The following SPG11 variants were observed in gnomAD, a reference collection of about 807,000 sequenced individuals.
SPG11 encodes SPG11 vesicle trafficking associated, spatacsin.
Under a neutral mutation model 274.0 loss-of-function variants are expected in SPG11, and 222 were observed. The ratio of observed to expected loss-of-function variants is 0.81; its 90% CI spans 0.73 to 0.91. The LOEUF (loss-of-function observed/expected upper bound fraction) is 0.91. Ranked by LOEUF, SPG11 falls within the 40% of genes least tolerant of loss-of-function variation. SPG11 has a pLI of 0.00. For synonymous variants in SPG11, 1,144 were observed against 1,039.7 expected, an observed-to-expected ratio of 1.10 and a Z score of -1.93; for missense variants, 3,114 against 2,872.7, an observed-to-expected ratio of 1.08 and a Z score of -1.92.
rs114433288 is a variant in SPG11, at chr15:44,653,690, T to A, written c.870-1424A>T. Among the ~76,000 whole-genome samples the A allele has an allele frequency of 1.7e-3, 256 of 152,290 alleles. 2 individuals are homozygous for A. Among genetic ancestry groups the A allele is most frequent in the African/African-American group, 5.8e-3 (243 of 41,550 alleles). ...AGGAGACAGAAAGGGTAGGACCTGATGATTAACTGGATGTGGATCTAATAC... is the reference window on the plus strand; with the variant it reads ...AGGAGACAGAAAGGGTAGGACCTGAAGATTAACTGGATGTGGATCTAATAC... On this transcript the variant is annotated intron_variant, in intron 4 of 39. Transcript: ENST00000261866.
rs566318835 is a variant in SPG11, at chr15:44,622,343, T to G, written c.2321A>C (p.Glu774Ala). Residue 774 changes from glutamate to alanine, a missense_variant, in exon 13 of 40, where the codon GAA becomes GCA. By Grantham distance (107) the Glu-to-Ala change is moderately radical. Transcript: ENST00000261866. ...TNKNIRDFLVEILKEKNYFSE... is the reference protein window; with the variant it reads ...TNKNIRDFLVAILKEKNYFSE... ...AAAATAATTTTTTTCTTTTAAAATT[T>G]CAACCTTGAATAAAAAGTAATTAAA... 1.2e-5 allele frequency: 19 copies of G among 1,552,144 alleles called. No homozygotes were observed. Among genetic ancestry groups the G allele is most frequent in the Middle Eastern group, 1.9e-4 (1 of 5,288 alleles).
At chr15:44,662,534 GGTGCACGCC>G in intron 1 of SPG11, among the ~76,000 whole-genome samples, 1 of 151,726 alleles carries the variant, frequency 6.6e-6, no homozygotes, top group South Asian at 2.1e-4. Context: ...CAGGCCTGGT[GGTGCACGCC>G]TGTAGTCGTA....
intron 29 of SPG11, 141 bp from the exon 30 acceptor site, chr15:44,584,699 A>G: frequency 1.0e-6 from 1 of 981,668 alleles, no homozygotes; most frequent in Non-Finnish European, 1.6e-6. Context: ...TGGCGATCAC[A>G]GCACACTGCA....
At chr15:44,638,585 C>T (rs144294439) in intron 7 of SPG11, among the ~76,000 whole-genome samples, 1 of 150,250 alleles carries the variant, frequency 6.7e-6, no homozygotes, top group Admixed American at 6.6e-5. Context: ...AGGATAGCTT[C>T]TTAAAGAACA....
intron 20 of SPG11, among the ~76,000 whole-genome samples, chr15:44,603,651 T>C (rs2083249960): frequency 1.3e-5 from 2 of 152,228 alleles, no homozygotes; most frequent in South Asian, 4.1e-4. Flanking sequence ...AGTCATCTCT[T>C]GGTATCCATG....
At chr15:44,636,958 C>CAAAAAAA (rs1328250311) in intron 7 of SPG11, among the ~76,000 whole-genome samples, 8 of 89,100 alleles carry the variant, frequency 9.0e-5, no homozygotes, top group East Asian at 3.2e-4. Context: ...AAAAAAAAAA[C>CAAAAAAA]AAAAAAAAAA....
At chr15:44,647,058 G>A (rs2084631370) in intron 7 of SPG11, among the ~76,000 whole-genome samples, 1 of 152,166 alleles carries the variant, frequency 6.6e-6, no homozygotes, top group Non-Finnish European at 1.5e-5. Context: ...ATGTCATAGA[G>A]TCTAGCATCC....
chr15:44,592,203 G>C, intron 27 of SPG11, 128 bp downstream of exon 27: 1 of 695,960 alleles, frequency 1.4e-6, no homozygotes, highest in Non-Finnish European at 2.6e-6. Context: ...AGGCTGTAGT[G>C]AGCTGTGATC....
At chr15:44,619,737 T>C (rs1022147454) in intron 15 of SPG11, among the ~76,000 whole-genome samples, 1 of 151,754 alleles carries the variant, frequency 6.6e-6, no homozygotes, top group African/African-American at 2.4e-5. Flanking sequence ...TTTTTTTTTT[T>C]TTTGAGACAG....
chr15:44,651,468 A>C (rs1435614551), intron 6 of SPG11, 23 bp downstream of exon 6: 3 of 1,602,402 alleles, frequency 1.9e-6, no homozygotes, highest in Non-Finnish European at 2.6e-6. Context: ...AATGGATTTC[A>C]ATCTAATACA....
chr15:44,572,898 G>A (rs889716316), intron 32 of SPG11, 78 bp from the exon 33 acceptor site: 113 of 1,484,682 alleles, frequency 7.6e-5, no homozygotes, highest in Non-Finnish European at 1.0e-4. Context: ...GCACCAGGAG[G>A]TAATGCTTAT....
At chr15:44,636,925 C>CAAAAAAAAAAAAAAAAACA (rs2084276371) in intron 7 of SPG11, among the ~76,000 whole-genome samples, 1 of 19,454 alleles carries the variant, frequency 5.1e-5, no homozygotes, top group Non-Finnish European at 8.0e-5. Flanking sequence ...GACTCCATCT[C>CAAAAAAAAAAAAAAAAACA]AAAAAAAAAA....
intron 10 of SPG11, among the ~76,000 whole-genome samples, chr15:44,627,299 A>G (rs1464045429): frequency 6.6e-6 from 1 of 152,210 alleles, no homozygotes. Context: ...GAGGGAACAG[A>G]AAGGAGGCAC....
chr15:44,595,946 G>A (rs2083024444), intron 25 of SPG11, 137 bp downstream of exon 25: 2 of 1,163,426 alleles, frequency 1.7e-6, no homozygotes, highest in Non-Finnish European at 2.5e-6. Flanking sequence ...AGCACAAAAT[G>A]TTGCAGTGAA....
chr15:44,636,925 C>CAAAAAAAAAAAAAAAAAAA (rs370928375), intron 7 of SPG11, among the ~76,000 whole-genome samples: 20 of 19,434 alleles, frequency 1.0e-3, no homozygotes, highest in African/African-American at 1.3e-3. Context: ...GACTCCATCT[C>CAAAAAAAAAAAAAAAAAAA]AAAAAAAAAA....
At chr15:44,651,099 T>A (rs2084761344) in intron 6 of SPG11, among the ~76,000 whole-genome samples, 1 of 152,184 alleles carries the variant, frequency 6.6e-6, no homozygotes, top group South Asian at 2.1e-4. Flanking sequence ...TGTGAAATCC[T>A]CTCATTCTGA....
At chr15:44,663,340 G>C (rs372382299) in intron 1 of SPG11, 51 bp downstream of exon 1, 97 of 1,578,782 alleles carry the variant, frequency 6.1e-5, no homozygotes, top group Admixed American at 9.0e-5. Context: ...TCAGTCAGCC[G>C]AGCCTAGGCT....
intron 26 of SPG11, among the ~76,000 whole-genome samples, chr15:44,593,142 T>C (rs1400611430): frequency 6.6e-6 from 1 of 152,232 alleles, no homozygotes; most frequent in Admixed American, 6.5e-5. Flanking sequence ...CTTGGCCTAT[T>C]GCACACAGGC....
chr15:44,610,664 C>T (rs986778997), intron 18 of SPG11, among the ~76,000 whole-genome samples, 176 bp downstream of exon 18: 4 of 152,206 alleles, frequency 2.6e-5, no homozygotes, highest in African/African-American at 9.7e-5. Context: ...AGGAGTGAGC[C>T]ACTGCACCGG....
Sources: gnomAD v4.1 joint callset for allele counts (sites outside exome capture counted in the v4.1 genomes callset) on GRCh38, gnomAD v4.1.1 for gene constraint, MANE v1.5 for transcripts, NCBI Gene and HGNC (gene_info 2026-07-23, HGNC 2026-07-21) for gene names.